Variants in SLC22A15 observed in about 807,000 individuals in gnomAD.
SLC22A15 encodes the protein solute carrier family 22 member 15.
A neutral mutation model predicts 62.7 loss-of-function variants in SLC22A15; 45 were observed. The observed-to-expected ratio is 0.72, with a 90% CI of 0.56 to 0.92. SLC22A15 has a LOEUF of 0.92. Among genes scored for constraint, SLC22A15 ranks in the 40% least tolerant of loss-of-function variants. The pLI, the probability that SLC22A15 is intolerant of heterozygous loss-of-function variation, is 0.00. For missense variants in SLC22A15, 622 were observed against 665.6 expected (o/e 0.93, Z 0.72); for synonymous variants, 264 against 267.0 (o/e 0.99, Z 0.11).
chr1:116,066,995 C>T, intron 11 of SLC22A15, 24 bp from the exon 12 acceptor site: 1 of 1,567,962 alleles, frequency 6.4e-7, no homozygotes, highest in East Asian at 2.2e-5. Flanking sequence ...CATTTCACTG[C>T]CCTTTTCTTC....
At chr1:116,026,249 T>C (rs1041537270) in intron 4 of SLC22A15, among the ~76,000 whole-genome samples, 2 of 149,040 alleles carry the variant, frequency 1.3e-5, no homozygotes, top group Non-Finnish European at 3.0e-5. Flanking sequence ...CCATCTCTAA[T>C]AAAAATACAA....
chr1:115,990,243 G>A (rs765275900), intron 1 of SLC22A15, among the ~76,000 whole-genome samples: 4 of 152,308 alleles, frequency 2.6e-5, no homozygotes, highest in Admixed American at 1.3e-4. Flanking sequence ...CAGGCGAAGC[G>A]AATGGTATGA....
At chr1:115,981,380 T>G (rs1654601331) in intron 1 of SLC22A15, among the ~76,000 whole-genome samples, 1 of 152,232 alleles carries the variant, frequency 6.6e-6, no homozygotes. Flanking sequence ...CAGCTCCTAC[T>G]GTCAAATTTT....
chr1:115,993,455 GTGTC>G lies in SLC22A15; in HGVS notation c.300+1232_300+1235del, dbSNP rs1316234571. 2.4e-3 allele frequency among the ~76,000 whole-genome samples: 360 copies of G among 150,818 alleles called. 2 individuals carry two copies. The highest frequency in any genetic ancestry group is 0.01 in the Middle Eastern group (3 of 292). ...TGTGTGTGTGTGTGTGTGTGTGTGT[GTGTC>G]TGTCTGTCTGTCTGTCTGTATATAT... is the stretch of plus-strand genomic sequence containing the variant. On this transcript the variant is annotated intron_variant, in intron 2 of 11. Transcript: ENST00000369503.
chr1:116,064,596 T>C, intron 10 of SLC22A15, 88 bp downstream of exon 10: 1 of 885,570 alleles, frequency 1.1e-6, no homozygotes. Flanking sequence ...GATGAACAGA[T>C]GTCATTTAAG....
At chr1:116,032,745 C>T (rs560414428) in intron 6 of SLC22A15, 3 of 579,448 alleles carry the variant, frequency 5.2e-6, no homozygotes, top group Non-Finnish European at 6.5e-6. Flanking sequence ...CCTGACAACA[C>T]AACATAGGAG....
intron 8 of SLC22A15, among the ~76,000 whole-genome samples, chr1:116,050,957 C>T (rs1477803944): frequency 1.3e-5 from 2 of 152,158 alleles, no homozygotes; most frequent in East Asian, 1.9e-4. Flanking sequence ...AAATCAAGAA[C>T]TCAACCCCTT....
rs776222039 is a variant in SLC22A15 at position 116,066,628 on chromosome 1, A to T, written c.1474A>T (p.Thr492Ser). ...PETLNSPLLE[T>S]FSDLQVYSYR... ...GACCCTTAACAGTCCGCTGCTAGAA[A>T]CATTCTCCGACCTTCAGGTGTATTC... is the stretch of plus-strand genomic sequence containing the variant. Residue 492 changes from threonine to serine, a missense_variant, in exon 11 of 12, where the codon ACA becomes TCA. Thr to Ser is a moderately conservative substitution (Grantham distance 58). Transcript: ENST00000369503. 6.2e-7 allele frequency: 1 copy of T among 1,611,936 alleles called. No individual in the cohort carries two copies.
intron 7 of SLC22A15, among the ~76,000 whole-genome samples, chr1:116,035,645 G>T (rs1657606814): frequency 6.6e-6 from 1 of 152,160 alleles, no homozygotes; most frequent in Non-Finnish European, 1.5e-5. Context: ...CTCCAGAGAT[G>T]AGATTATTAG....
chr1:116,006,469 G>A (rs933025726), intron 2 of SLC22A15, among the ~76,000 whole-genome samples: 3 of 152,192 alleles, frequency 2.0e-5, no homozygotes, highest in African/African-American at 7.2e-5. Context: ...CTTGGCAAGT[G>A]CTGAAGATCT....
chr1:116,040,645 C>T (rs1431342569), intron 8 of SLC22A15, among the ~76,000 whole-genome samples: 2 of 152,106 alleles, frequency 1.3e-5, no homozygotes, highest in Non-Finnish European at 2.9e-5. Context: ...GAGACAGGGT[C>T]TCACTCTGTT....
At chr1:116,063,577 C>A (rs1427395702) in intron 9 of SLC22A15, among the ~76,000 whole-genome samples, 1 of 152,160 alleles carries the variant, frequency 6.6e-6, no homozygotes, top group Non-Finnish European at 1.5e-5. Flanking sequence ...CTTATCCATG[C>A]AAGAAGCTTC....
intron 1 of SLC22A15, among the ~76,000 whole-genome samples, chr1:115,983,975 A>G (rs569599274): frequency 6.6e-6 from 1 of 152,146 alleles, no homozygotes; most frequent in Non-Finnish European, 1.5e-5. Context: ...ACTAGCTAAC[A>G]CTTGGCATTC....
intron 1 of SLC22A15, among the ~76,000 whole-genome samples, chr1:115,987,646 G>C (rs1654937917): frequency 6.6e-6 from 1 of 152,128 alleles, no homozygotes; most frequent in Non-Finnish European, 1.5e-5. Flanking sequence ...TTATGGTCTT[G>C]CTTATGTAAT....
chr1:116,001,400 T>C (rs1280192281), intron 2 of SLC22A15, among the ~76,000 whole-genome samples: 1 of 152,214 alleles, frequency 6.6e-6, no homozygotes, highest in East Asian at 1.9e-4. Flanking sequence ...AGTTCTGTTA[T>C]TATCTCTTTG....
chr1:116,012,700 T>C (rs1656333419), intron 2 of SLC22A15, among the ~76,000 whole-genome samples: 1 of 152,208 alleles, frequency 6.6e-6, no homozygotes, highest in Non-Finnish European at 1.5e-5. Flanking sequence ...AAATAACCAC[T>C]TTGGAAGTTG....
Position 115,976,642 on chromosome 1 carries a change from G to A in SLC22A15, c.15G>A (p.Glu5=). The A allele has an allele frequency of 3.2e-6, 5 of 1,584,986 alleles. No homozygotes were observed. The highest frequency in any genetic ancestry group is 4.3e-6 in the Non-Finnish European group (5 of 1,168,276). Residue 5 remains glutamate (E), a synonymous_variant, in exon 1 of 12, where the codon GAG becomes GAA. Coordinates refer to ENST00000369503, the MANE Select transcript of SLC22A15 (RefSeq NM_018420.3). ...CGCGGCCCGCCATGGAGGTGGAGGAGGCGTTCCAGGCGGTGGGGGAGATGG... is the reference window on the plus strand; with the variant it reads ...CGCGGCCCGCCATGGAGGTGGAGGAAGCGTTCCAGGCGGTGGGGGAGATGG... MEVE[E]AFQAVGEMGI...
chr1:115,982,538 G>A (rs1321297239), intron 1 of SLC22A15, among the ~76,000 whole-genome samples: 1 of 152,116 alleles, frequency 6.6e-6, no homozygotes, highest in Non-Finnish European at 1.5e-5. Context: ...TTCAATATAT[G>A]GCCATAGTAT....
chr1:116,001,446 C>A (rs999062958), intron 2 of SLC22A15, among the ~76,000 whole-genome samples: 2 of 152,066 alleles, frequency 1.3e-5, no homozygotes, highest in African/African-American at 2.4e-5. Context: ...TCTCTTCTTC[C>A]TCTTTAAGGG....
Sources: allele counts gnomAD v4.1 joint callset (sites outside exome capture counted in the v4.1 genomes callset), GRCh38; gene constraint gnomAD v4.1.1; transcripts MANE v1.5; gene names NCBI Gene and HGNC (gene_info 2026-07-23, HGNC 2026-07-21).